HSPA12A: variants seen among roughly 807,000 people sequenced by gnomAD.
HSPA12A encodes the protein heat shock protein family A (Hsp70) member 12A.
In HSPA12A, 28 loss-of-function variants were observed where a neutral mutation model predicts 69.2. The ratio of observed to expected loss-of-function variants is 0.40; its 90% CI spans 0.30 to 0.55. The LOEUF (loss-of-function observed/expected upper bound fraction) is 0.55, where lower values mean the gene tolerates loss of function less well. Among genes scored for constraint, HSPA12A ranks in the 20% least tolerant of loss-of-function variants. The pLI is 0.38. For missense variants in HSPA12A, 686 were observed against 900.7 expected, an observed-to-expected ratio of 0.76 and a Z score of 3.05; for synonymous variants, 345 against 370.5, an observed-to-expected ratio of 0.93 and a Z score of 0.79.
chr10:116,752,934 G>A (rs1420770700), intron 2 of HSPA12A, among the ~76,000 whole-genome samples: 1 of 152,218 alleles, frequency 6.6e-6, no homozygotes, highest in Non-Finnish European at 1.5e-5. Context: ...CTGCCTGAGT[G>A]AGGCAGGAGC....
At position 116,683,944 on chromosome 10, in the gene HSPA12A, C is replaced by CG; in HGVS notation, c.681dup (p.Glu228ArgfsTer13). The CG allele has an allele frequency of 6.3e-7, 1 of 1,576,850 alleles. No individual in the cohort carries two copies. The highest frequency in any genetic ancestry group is 8.7e-7 in the Non-Finnish European group (1 of 1,153,368). ...GCAATGATGAGCTGCTCCGAGTTCT[C>CG]GGGGGAGGCCAGGCCTGCCTGGAAG... On this transcript the variant is annotated frameshift_variant, in exon 7 of 12. Coordinates refer to ENST00000369209, the MANE Select transcript of HSPA12A (RefSeq NM_025015.3). LOFTEE classifies it high-confidence loss of function.
intron 2 of HSPA12A, among the ~76,000 whole-genome samples, chr10:116,799,732 T>C (rs536721000): frequency 6.6e-6 from 1 of 152,306 alleles, no homozygotes; most frequent in Non-Finnish European, 1.5e-5. Context: ...CTATCTCTCC[T>C]CAAGACTCCA....
At chr10:116,737,448 T>C (rs1851349281) in intron 1 of HSPA12A, among the ~76,000 whole-genome samples, 1 of 152,074 alleles carries the variant, frequency 6.6e-6, no homozygotes, top group African/African-American at 2.4e-5. Flanking sequence ...AAAGCCCAGG[T>C]TTACCTGCAC....
intron 1 of HSPA12A, among the ~76,000 whole-genome samples, chr10:116,721,235 C>A (rs1432196374): frequency 6.6e-6 from 1 of 152,086 alleles, no homozygotes; most frequent in Non-Finnish European, 1.5e-5. Flanking sequence ...GAAATTGAAT[C>A]CCTAACTTCA....
chr10:116,808,653 T>TC, intron 2 of HSPA12A, among the ~76,000 whole-genome samples: 1 of 152,218 alleles, frequency 6.6e-6, no homozygotes, highest in South Asian at 2.1e-4. Context: ...TGCATCCTGT[T>TC]CCCCACAATG....
intron 1 of HSPA12A, among the ~76,000 whole-genome samples, chr10:116,717,412 T>G (rs1438290949): frequency 6.6e-6 from 1 of 152,184 alleles, no homozygotes; most frequent in Non-Finnish European, 1.5e-5. Context: ...CTCATGAGAC[T>G]GTGTGGCGTA....
chr10:116,768,188 G>C (rs1554889976), intron 2 of HSPA12A, among the ~76,000 whole-genome samples: 1 of 152,214 alleles, frequency 6.6e-6, no homozygotes, highest in East Asian at 1.9e-4. Flanking sequence ...ATAGAGTACT[G>C]ATATATGCTA....
chr10:116,839,591 T>A (rs983443484), intron 1 of HSPA12A, among the ~76,000 whole-genome samples: 1 of 130,190 alleles, frequency 7.7e-6, no homozygotes, highest in African/African-American at 2.9e-5. Flanking sequence ...AAGGACTTCG[T>A]AGATGCCTAC....
chr10:116,747,695 G>C (rs545950124), intron 2 of HSPA12A, among the ~76,000 whole-genome samples: 60 of 152,300 alleles, frequency 3.9e-4, no homozygotes, highest in Non-Finnish European at 5.7e-4. Context: ...ATGAATAAAT[G>C]GTCCAGTAAA....
In HSPA12A at chr10:116,758,365, T is replaced by C. The variant is rs528815669; in HGVS notation, c.92-51080A>G. On this transcript the variant is annotated intron_variant, in intron 2 of 12. Transcript: ENST00000635765. Reference sequence around the variant, plus strand: ...ATTGCCGTTTATGAATCACCTACTATGTGCCAAGCTCTGGGAGGCTAATTC... The same window carrying C: ...ATTGCCGTTTATGAATCACCTACTACGTGCCAAGCTCTGGGAGGCTAATTC... Among the ~76,000 whole-genome samples the C allele has an allele frequency of 5.9e-5, 9 of 152,304 alleles. No homozygotes were observed. The South Asian group carries it at 1.9e-3, about 32-fold the overall frequency.
intron 1 of HSPA12A, among the ~76,000 whole-genome samples, chr10:116,740,333 T>C (rs1325875345): frequency 6.6e-6 from 1 of 152,180 alleles, no homozygotes; most frequent in African/African-American, 2.4e-5. Flanking sequence ...GAGGAAACCT[T>C]AGAAATAAGT....
chr10:116,707,248 C>T lies in HSPA12A; in HGVS notation c.78G>A (p.Arg26=). 1 of 1,613,038 alleles carries T rather than the reference C, an allele frequency of 6.2e-7. No homozygotes were observed. The highest frequency in any genetic ancestry group is 1.1e-5 in the South Asian group (1 of 90,634). Residue 26 remains arginine (R), a synonymous_variant, in exon 2 of 12, where the codon CGG becomes CGA. Coordinates refer to ENST00000369209, the MANE Select transcript of HSPA12A (RefSeq NM_025015.3). ...GCGTTATTCCTGTGTCCCCAAGACT[C>T]CGGGCTGGAGATGAATATGCAGATG... The part of the protein sequence containing the change: ...APTSAYSSPA[R]SLGDTGITPL...
intron 2 of HSPA12A, among the ~76,000 whole-genome samples, chr10:116,768,534 A>G (rs1844130598): frequency 2.0e-5 from 3 of 152,228 alleles, no homozygotes; most frequent in Admixed American, 6.5e-5. Flanking sequence ...CCTGTCTCAG[A>G]ATAAATATAT....
chr10:116,799,257 G>A (rs1004953369), intron 2 of HSPA12A, among the ~76,000 whole-genome samples: 1 of 152,142 alleles, frequency 6.6e-6, no homozygotes, highest in Non-Finnish European at 1.5e-5. Context: ...GTTTCCTCTG[G>A]TCACCTTCCA....
intron 2 of HSPA12A, among the ~76,000 whole-genome samples, chr10:116,806,236 T>C (rs958746597): frequency 1.3e-5 from 2 of 152,164 alleles, no homozygotes; most frequent in Non-Finnish European, 2.9e-5. Flanking sequence ...TGGGTTTCAC[T>C]CTTGCCCGGG....
At chr10:116,704,624 A>T (rs1409038206) in intron 3 of HSPA12A, among the ~76,000 whole-genome samples, 1 of 152,008 alleles carries the variant, frequency 6.6e-6, no homozygotes, top group East Asian at 1.9e-4. Context: ...AACAAAATTT[A>T]AAAAAAATAA....
chr10:116,689,847 G>A (rs1849686805), intron 6 of HSPA12A, among the ~76,000 whole-genome samples: 1 of 152,058 alleles, frequency 6.6e-6, no homozygotes, highest in Non-Finnish European at 1.5e-5. Context: ...AGTCATGCAG[G>A]AGGAACTCCC....
chr10:116,785,875 TC>T (rs923169698), intron 2 of HSPA12A, among the ~76,000 whole-genome samples: 57 of 150,290 alleles, frequency 3.8e-4, no homozygotes, highest in South Asian at 1.9e-3. Context: ...TCCTCCTATT[TC>T]CCCCCCTCCC....
At chr10:116,819,359 G>A (rs1845367845) in intron 2 of HSPA12A, among the ~76,000 whole-genome samples, 1 of 152,146 alleles carries the variant, frequency 6.6e-6, no homozygotes, top group Admixed American at 6.5e-5. Flanking sequence ...GGGTTCCGTG[G>A]TCTGAGTCTT....
Sources: gnomAD v4.1 joint callset for allele counts (sites outside exome capture counted in the v4.1 genomes callset) on GRCh38, gnomAD v4.1.1 for gene constraint, MANE v1.5 for transcripts, NCBI Gene and HGNC (gene_info 2026-07-23, HGNC 2026-07-21) for gene names.